GRID1: variants seen among roughly 807,000 people sequenced by gnomAD.
GRID1 encodes glutamate receptor ionotropic, delta-1.
Under a neutral mutation model 98.0 loss-of-function variants are expected in GRID1, and 28 were observed. The ratio of observed to expected loss-of-function variants is 0.29; its 90% CI spans 0.21 to 0.39. The LOEUF (loss-of-function observed/expected upper bound fraction) is 0.39. GRID1 is among the 10% of genes least tolerant of loss of function. The probability of loss-of-function intolerance (pLI) is 1.00; values close to 1 mark genes in which losing one functional copy is unlikely to be tolerated. For synonymous variants in GRID1, 553 were observed against 538.5 expected (o/e 1.03, Z -0.37); for missense variants, 1,111 against 1,340.5 (o/e 0.83, Z 2.67).
chr10:85,955,737 C>T (rs1842181149), intron 4 of GRID1, among the ~76,000 whole-genome samples: 1 of 152,112 alleles, frequency 6.6e-6, no homozygotes, highest in Non-Finnish European at 1.5e-5. Flanking sequence ...GACAGTCAGT[C>T]AGCACCTTTC....
In GRID1 at chr10:85,931,704, T is replaced by A. The variant is rs376388434; in HGVS notation, c.727-15465A>T. 5.9e-5 allele frequency among the ~76,000 whole-genome samples: 9 copies of A among 152,342 alleles called. No individual in the cohort carries two copies. The East Asian group carries it at 1.7e-3, about 29-fold the overall frequency. ...CATTATTTAGTTTGTCCTGGATCCC[T>A]TTGGTATCCCTTTGTGTTGTACTCT... On this transcript the variant is annotated intron_variant, in intron 4 of 15. Coordinates refer to ENST00000327946, the MANE Select transcript of GRID1 (RefSeq NM_017551.3).
At chr10:86,235,346 C>A (rs1329851715) in intron 2 of GRID1, among the ~76,000 whole-genome samples, 1 of 152,256 alleles carries the variant, frequency 6.6e-6, no homozygotes, top group East Asian at 1.9e-4. Context: ...TGAATTCTGC[C>A]TTGACCATTT....
At chr10:86,058,797 C>T (rs1589355644) in intron 4 of GRID1, among the ~76,000 whole-genome samples, 1 of 152,338 alleles carries the variant, frequency 6.6e-6, no homozygotes, top group South Asian at 2.1e-4. Context: ...GCACCATGCT[C>T]AGCATGGGGA....
At chr10:86,167,622 C>T (rs1042572544) in intron 3 of GRID1, among the ~76,000 whole-genome samples, 9 of 152,170 alleles carry the variant, frequency 5.9e-5, no homozygotes, top group East Asian at 3.8e-4. Context: ...GTCCTCCCCA[C>T]GGCCAGGCAG....
chr10:85,749,451 G>T (rs1310475488), intron 8 of GRID1, among the ~76,000 whole-genome samples: 8 of 152,098 alleles, frequency 5.3e-5, no homozygotes, highest in Non-Finnish European at 1.5e-5. Context: ...AACCTCTATT[G>T]CATTAAGCCT....
intron 8 of GRID1, among the ~76,000 whole-genome samples, chr10:85,734,987 A>G (rs1027867113): frequency 3.7e-4 from 56 of 152,174 alleles, no homozygotes; most frequent in Non-Finnish European, 2.2e-4. Flanking sequence ...CTGAATGCTC[A>G]GGAAAATGTT....
At chr10:86,133,145 G>A (rs1844863948) in intron 4 of GRID1, among the ~76,000 whole-genome samples, 1 of 152,182 alleles carries the variant, frequency 6.6e-6, no homozygotes, top group Non-Finnish European at 1.5e-5. Flanking sequence ...AGACTGTTCT[G>A]CCACCAGCAA....
At chr10:86,280,497 T>C (rs1333903834) in intron 2 of GRID1, among the ~76,000 whole-genome samples, 1 of 152,180 alleles carries the variant, frequency 6.6e-6, no homozygotes, top group Non-Finnish European at 1.5e-5. Flanking sequence ...GTTTTAATAG[T>C]TAACATGGAG....
intron 12 of GRID1, among the ~76,000 whole-genome samples, chr10:85,717,294 G>A (rs1312146457): frequency 1.3e-5 from 2 of 151,378 alleles, no homozygotes; most frequent in Non-Finnish European, 2.9e-5. Flanking sequence ...TCATGCTGCT[G>A]ATAAAGACAT....
At chr10:85,652,030 T>G (rs1015762590) in intron 12 of GRID1, among the ~76,000 whole-genome samples, 1 of 152,236 alleles carries the variant, frequency 6.6e-6, no homozygotes, top group Non-Finnish European at 1.5e-5. Context: ...GCTGAAAGCA[T>G]AGCTGATACC....
chr10:86,263,530 C>T (rs1847053981), intron 2 of GRID1, among the ~76,000 whole-genome samples: 1 of 152,244 alleles, frequency 6.6e-6, no homozygotes, highest in Non-Finnish European at 1.5e-5. Context: ...TCGCCAGCAC[C>T]TACAGGCAGC....
chr10:85,711,439 G>C (rs913715837), intron 12 of GRID1, among the ~76,000 whole-genome samples: 1 of 151,860 alleles, frequency 6.6e-6, no homozygotes, highest in Non-Finnish European at 1.5e-5. Context: ...AATTTATACA[G>C]ACAGAAAATA....
chr10:86,250,514 C>T (rs1330098916), intron 2 of GRID1, among the ~76,000 whole-genome samples: 1 of 152,242 alleles, frequency 6.6e-6, no homozygotes. Context: ...CAGTGGGGCA[C>T]TCAGCAGGCT....
chr10:85,874,768 G>A (rs1843311457), intron 5 of GRID1, among the ~76,000 whole-genome samples: 1 of 152,128 alleles, frequency 6.6e-6, no homozygotes, highest in Admixed American at 6.5e-5. Context: ...ATTTGTTGGT[G>A]TCAATGGTCA....
At chr10:86,120,356 C>T (rs543703303) in intron 4 of GRID1, among the ~76,000 whole-genome samples, 1 of 152,180 alleles carries the variant, frequency 6.6e-6, no homozygotes, top group Non-Finnish European at 1.5e-5. Context: ...TACAGAAAGC[C>T]TTATTTTGCC....
At chr10:86,139,287 T>C (rs1212628687) in intron 3 of GRID1, among the ~76,000 whole-genome samples, 1 of 152,164 alleles carries the variant, frequency 6.6e-6, no homozygotes, top group African/African-American at 2.4e-5. Context: ...GAAAGTGCCC[T>C]TGATTCATGA....
At chr10:85,984,891 A>G (rs1279507833) in intron 4 of GRID1, among the ~76,000 whole-genome samples, 1 of 152,014 alleles carries the variant, frequency 6.6e-6, no homozygotes, top group Non-Finnish European at 1.5e-5. Context: ...TCTTAATTCA[A>G]TTAGCCCTGA....
At chr10:85,993,634 T>G (rs1842707592) in intron 4 of GRID1, among the ~76,000 whole-genome samples, 1 of 152,086 alleles carries the variant, frequency 6.6e-6, no homozygotes, top group African/African-American at 2.4e-5. Flanking sequence ...CCAGGGCCCA[T>G]GACTAGTAAT....
intron 12 of GRID1, among the ~76,000 whole-genome samples, chr10:85,648,864 G>A (rs1021189923): frequency 2.0e-5 from 3 of 152,218 alleles, no homozygotes; most frequent in Non-Finnish European, 4.4e-5. Context: ...GGACTTCAGA[G>A]GGCCATGTGC....
Sources: allele counts gnomAD v4.1 joint callset (sites outside exome capture counted in the v4.1 genomes callset), GRCh38; gene constraint gnomAD v4.1.1; transcripts MANE v1.5; gene names NCBI Gene and HGNC (gene_info 2026-07-23, HGNC 2026-07-21).